The following RBFOX1 variants were observed in gnomAD, a reference collection of about 807,000 sequenced individuals.
The protein encoded by RBFOX1 is RNA binding fox-1 homolog 1.
In RBFOX1, 8 loss-of-function variants were observed where a neutral mutation model predicts 57.7. The observed-to-expected ratio is 0.14, with a 90% CI of 0.08 to 0.25. The LOEUF is 0.25. RBFOX1 is among the 10% of genes least tolerant of loss of function. RBFOX1 has a pLI of 1.00. For missense variants in RBFOX1, 611 were observed against 548.5 expected, an observed-to-expected ratio of 1.11 and a Z score of -1.14; for synonymous variants, 326 against 222.4, an observed-to-expected ratio of 1.47 and a Z score of -4.15.
intron 4 of RBFOX1, among the ~76,000 whole-genome samples, chr16:7,220,600 A>G (rs1036498249): frequency 2.0e-5 from 3 of 152,154 alleles, no homozygotes; most frequent in Admixed American, 6.5e-5. Flanking sequence ...TTGTGCAGGT[A>G]TCATTGCTGC....
In RBFOX1 at chr16:6,922,512, C is replaced by T. The variant is rs138089055; in HGVS notation, c.-15-129545C>T. Among the ~76,000 whole-genome samples the T allele has an allele frequency of 6.2e-3, 946 of 151,948 alleles. 3 individuals carry two copies. Among genetic ancestry groups the T allele is most frequent in the African/African-American group, 0.021 (875 of 41,234 alleles). On this transcript the variant is annotated intron_variant, in intron 3 of 15. Coordinates refer to ENST00000550418, the MANE Select transcript of RBFOX1 (RefSeq NM_018723.4). Reference sequence around the variant, plus strand: ...TCATTTTCTTTGCTGTGTTTTTCCACATTTAAAATCTTTTATTTTCCTGCG... The same window carrying T: ...TCATTTTCTTTGCTGTGTTTTTCCATATTTAAAATCTTTTATTTTCCTGCG...
At chr16:5,333,764 T>G (rs2151280071) in intron 1 of RBFOX1, among the ~76,000 whole-genome samples, 1 of 152,344 alleles carries the variant, frequency 6.6e-6, no homozygotes, top group East Asian at 1.9e-4. Context: ...TTATCACTCC[T>G]AGGCTGCAAA....
At chr16:6,723,721 G>T (rs190392247) in intron 3 of RBFOX1, 12 of 151,032 alleles carry the variant, frequency 7.9e-5, no homozygotes, top group Admixed American at 7.4e-4. Flanking sequence ...AGCTGCATCT[G>T]TCTCGTGAAG....
intron 3 of RBFOX1, among the ~76,000 whole-genome samples, chr16:6,737,715 G>C (rs751879093): frequency 1.3e-5 from 2 of 152,158 alleles, no homozygotes; most frequent in African/African-American, 2.4e-5. Context: ...TAGGTTGGAT[G>C]AATGTCTAGG....
At chr16:7,538,615 A>AATTACAC (rs1319560460) in intron 5 of RBFOX1, among the ~76,000 whole-genome samples, 1 of 152,214 alleles carries the variant, frequency 6.6e-6, no homozygotes, top group African/African-American at 2.4e-5. Context: ...TAAACAATGT[A>AATTACAC]ACTAAATAAT....
intron 2 of RBFOX1, among the ~76,000 whole-genome samples, chr16:6,642,821 T>C (rs1214270981): frequency 6.6e-6 from 1 of 152,046 alleles, no homozygotes; most frequent in South Asian, 2.1e-4. Flanking sequence ...CCCTGAAGAT[T>C]CCTCCAAATG....
At chr16:6,093,114 C>G (rs2096200081) in intron 1 of RBFOX1, among the ~76,000 whole-genome samples, 1 of 152,132 alleles carries the variant, frequency 6.6e-6, no homozygotes, top group South Asian at 2.1e-4. Flanking sequence ...TGCAAGAAAA[C>G]TGGTTGGCTA....
intron 3 of RBFOX1, among the ~76,000 whole-genome samples, chr16:5,619,376 G>C (rs985656402): frequency 1.3e-5 from 2 of 152,084 alleles, no homozygotes; most frequent in Non-Finnish European, 2.9e-5. Context: ...AGATTAACAG[G>C]CTCTGCAGGG....
At chr16:6,611,336 A>G (rs1340296895) in intron 2 of RBFOX1, among the ~76,000 whole-genome samples, 1 of 152,084 alleles carries the variant, frequency 6.6e-6, no homozygotes, top group Non-Finnish European at 1.5e-5. Context: ...TAGTAGAGAC[A>G]GGGTTTTGCC....
intron 1 of RBFOX1, among the ~76,000 whole-genome samples, chr16:5,247,680 G>A (rs1430966805): frequency 1.3e-5 from 2 of 152,234 alleles, no homozygotes; most frequent in Non-Finnish European, 2.9e-5. Context: ...ACATTGGAGA[G>A]TTGAATAGTT....
chr16:6,095,815 G>A (rs1205899440), intron 1 of RBFOX1, among the ~76,000 whole-genome samples: 1 of 152,198 alleles, frequency 6.6e-6, no homozygotes, highest in Non-Finnish European at 1.5e-5. Flanking sequence ...GTTACCAACA[G>A]TGCCTGGTTT....
At chr16:6,976,274 C>G (rs76997240) in intron 3 of RBFOX1, among the ~76,000 whole-genome samples, 8,322 of 152,194 alleles carry the variant, frequency 0.055, 253 homozygotes, top group African/African-American at 0.072. Context: ...CTCACCTGTA[C>G]TGAGAACAAG....
intron 2 of RBFOX1, among the ~76,000 whole-genome samples, chr16:5,553,155 A>G (rs760418561): frequency 1.3e-5 from 2 of 152,096 alleles, no homozygotes; most frequent in Non-Finnish European, 2.9e-5. Flanking sequence ...TGGGGGAGAG[A>G]TAGCATTAGG....
chr16:7,332,846 T>C, intron 4 of RBFOX1: 1 of 1,456,206 alleles, frequency 6.9e-7, no homozygotes, highest in South Asian at 1.5e-5. Flanking sequence ...GCGGATTTTC[T>C]TTCTTTCCTC....
At chr16:6,711,929 C>G (rs1397470540) in intron 3 of RBFOX1, among the ~76,000 whole-genome samples, 1 of 152,170 alleles carries the variant, frequency 6.6e-6, no homozygotes, top group African/African-American at 2.4e-5. Flanking sequence ...ATTGCCTTCT[C>G]CTACATTTCT....
At chr16:7,645,574 G>A (rs1421108849) in intron 11 of RBFOX1, among the ~76,000 whole-genome samples, 1 of 152,198 alleles carries the variant, frequency 6.6e-6, no homozygotes, top group African/African-American at 2.4e-5. Flanking sequence ...AGATTTATAG[G>A]ACATTGCGTT....
At chr16:7,209,711 C>G (rs1427851166) in intron 4 of RBFOX1, among the ~76,000 whole-genome samples, 1 of 152,234 alleles carries the variant, frequency 6.6e-6, no homozygotes, top group African/African-American at 2.4e-5. Context: ...ATATGCCTCC[C>G]TTCACTGAGT....
intron 2 of RBFOX1, among the ~76,000 whole-genome samples, chr16:5,588,614 T>C (rs2046907742): frequency 1.3e-5 from 2 of 152,274 alleles, no homozygotes; most frequent in African/African-American, 4.8e-5. Flanking sequence ...AGGGCAACAG[T>C]CCTCAGCACG....
intron 4 of RBFOX1, among the ~76,000 whole-genome samples, chr16:7,154,402 G>C (rs1353425226): frequency 1.3e-5 from 2 of 152,174 alleles, no homozygotes; most frequent in Non-Finnish European, 1.5e-5. Context: ...GTGAATGTGG[G>C]AGGAAGTTTG....
Sources: allele counts gnomAD v4.1 joint callset (sites outside exome capture counted in the v4.1 genomes callset), GRCh38; gene constraint gnomAD v4.1.1; transcripts MANE v1.5; gene names NCBI Gene and HGNC (gene_info 2026-07-23, HGNC 2026-07-21).